Variants in WWOX observed in about 807,000 individuals in gnomAD.
WWOX encodes WW domain containing oxidoreductase.
In WWOX, 69 loss-of-function variants were observed where a neutral mutation model predicts 46.2. That is an observed-to-expected ratio of 1.49 (90% CI 1.23 to 1.82). The LOEUF is 1.82. Among genes scored for constraint, WWOX ranks in the 40% most tolerant of loss-of-function variants. The pLI is 0.00. For missense variants in WWOX, 919 were observed against 542.6 expected (o/e 1.69, Z -6.89); for synonymous variants, 359 against 202.6 (o/e 1.77, Z -6.56).
At chr16:78,915,039 C>G (rs766294362) in intron 8 of WWOX, among the ~76,000 whole-genome samples, 3 of 152,052 alleles carry the variant, frequency 2.0e-5, no homozygotes, top group Non-Finnish European at 1.5e-5. Context: ...GATCACTTAG[C>G]CTGATCCACA....
intron 8 of WWOX, among the ~76,000 whole-genome samples, chr16:78,490,590 T>G (rs1489080907): frequency 6.6e-6 from 1 of 152,218 alleles, no homozygotes; most frequent in African/African-American, 2.4e-5. Context: ...CAGGGCATTT[T>G]GATGTGGCCC....
chr16:78,760,912 G>A (rs2049776673), intron 8 of WWOX, among the ~76,000 whole-genome samples: 1 of 152,146 alleles, frequency 6.6e-6, no homozygotes, highest in South Asian at 2.1e-4. Flanking sequence ...ATCTCACGTG[G>A]TGGCAGAGAA....
chr16:79,172,982 C>G (rs2050730687), intron 8 of WWOX, among the ~76,000 whole-genome samples: 2 of 152,200 alleles, frequency 1.3e-5, no homozygotes, highest in Admixed American at 1.3e-4. Flanking sequence ...GATGGTGCCA[C>G]TGCACTCCAG....
At chr16:78,785,253 C>T (rs1349045907) in intron 8 of WWOX, among the ~76,000 whole-genome samples, 2 of 152,184 alleles carry the variant, frequency 1.3e-5, no homozygotes, top group Admixed American at 6.5e-5. Context: ...AATTCTCTTC[C>T]CACCTTCGAT....
intron 5 of WWOX, among the ~76,000 whole-genome samples, chr16:78,334,422 TTACTC>T (rs2080831410): frequency 6.6e-6 from 1 of 152,134 alleles, no homozygotes; most frequent in Admixed American, 6.6e-5. Context: ...AGTTCAGACT[TTACTC>T]TGAGCTATGA....
At chr16:78,853,239 C>G (rs1428670510) in intron 8 of WWOX, among the ~76,000 whole-genome samples, 2 of 151,536 alleles carry the variant, frequency 1.3e-5, no homozygotes, top group African/African-American at 4.9e-5. Context: ...TTTGTTTTTT[C>G]TGAGACAGTC....
intron 8 of WWOX, among the ~76,000 whole-genome samples, chr16:79,011,391 A>G (rs548958218): frequency 1.3e-5 from 2 of 151,988 alleles, no homozygotes; most frequent in South Asian, 4.2e-4. Context: ...TTGGTGTTCG[A>G]TCTGGAATCT....
intron 8 of WWOX, among the ~76,000 whole-genome samples, chr16:78,670,613 C>A (rs895800361): frequency 1.3e-5 from 2 of 151,982 alleles, no homozygotes; most frequent in Non-Finnish European, 2.9e-5. Flanking sequence ...CCCCCAAATT[C>A]GTGTCTATCT....
intron 8 of WWOX, among the ~76,000 whole-genome samples, chr16:78,568,135 T>C (rs1363843873): frequency 6.6e-6 from 1 of 152,186 alleles, no homozygotes; most frequent in Non-Finnish European, 1.5e-5. Context: ...CATTAATGCA[T>C]GTGACCAGAT....
rs190153633 is a variant in WWOX at position 78,513,271 on chromosome 16, G to C, written c.1056+80519G>C. Among the ~76,000 whole-genome samples the C allele has an allele frequency of 6.4e-3, 978 of 152,284 alleles. 3 individuals are homozygous for C. Among genetic ancestry groups the C allele is most frequent in the African/African-American group, 0.015 (628 of 41,558 alleles). On this transcript the variant is annotated intron_variant, in intron 8 of 8. Transcript: ENST00000566780. ...AATTATCTCTTCTATGTAAGTAGGA[G>C]GCTCTCTTTTCAGATGTGGAATTTG...
chr16:78,584,338 C>G (rs1382083156), intron 8 of WWOX, among the ~76,000 whole-genome samples: 1 of 152,190 alleles, frequency 6.6e-6, no homozygotes, highest in East Asian at 1.9e-4. Context: ...AAGGTGTTTG[C>G]ATTTTGGAGA....
At chr16:78,524,106 A>G (rs986025797) in intron 8 of WWOX, among the ~76,000 whole-genome samples, 1 of 152,338 alleles carries the variant, frequency 6.6e-6, no homozygotes, top group East Asian at 1.9e-4. Context: ...AGTGTGTTTT[A>G]GTCGGCAAAC....
At position 79,124,069 on chromosome 16, in the gene WWOX, G is replaced by A. The variant is rs145548841; in HGVS notation, c.1057-87539G>A. Among the ~76,000 whole-genome samples the A allele has an allele frequency of 2.8e-3, 427 of 151,724 alleles. 2 individuals are homozygous for A. Among genetic ancestry groups the A allele is most frequent in the African/African-American group, 9.5e-3 (391 of 41,336 alleles). ...TTCTTTGCCTCTTAAGTGTGGACTCGGAGCACTCGTGCTCTGAAAGCCCTC... is the reference window on the plus strand; with the variant it reads ...TTCTTTGCCTCTTAAGTGTGGACTCAGAGCACTCGTGCTCTGAAAGCCCTC... On this transcript the variant is annotated intron_variant, in intron 8 of 8. Transcript: ENST00000566780.
At chr16:78,918,428 T>C (rs1302394365) in intron 8 of WWOX, among the ~76,000 whole-genome samples, 1 of 152,120 alleles carries the variant, frequency 6.6e-6, no homozygotes, top group African/African-American at 2.4e-5. Context: ...TCCTATCCCT[T>C]TATTTTCTGG....
intron 4 of WWOX, among the ~76,000 whole-genome samples, chr16:78,158,232 G>A (rs144958932): frequency 5.9e-5 from 9 of 152,244 alleles, no homozygotes; most frequent in East Asian, 1.9e-4. Flanking sequence ...GGAAGATAAC[G>A]GTATGCTGAT....
chr16:78,425,589 G>A (rs1390688778), intron 7 of WWOX, among the ~76,000 whole-genome samples: 2 of 152,118 alleles, frequency 1.3e-5, no homozygotes, highest in Non-Finnish European at 2.9e-5. Flanking sequence ...AACATCAGAT[G>A]GCACTTTTTT....
chr16:78,695,524 G>C (rs2048080509), intron 8 of WWOX, among the ~76,000 whole-genome samples: 1 of 152,194 alleles, frequency 6.6e-6, no homozygotes, highest in East Asian at 1.9e-4. Flanking sequence ...TCAGAGAGTA[G>C]CATGCAGATC....
intron 8 of WWOX, among the ~76,000 whole-genome samples, chr16:79,078,828 G>T (rs115648812): frequency 1.3e-5 from 2 of 152,068 alleles, no homozygotes; most frequent in Non-Finnish European, 2.9e-5. Flanking sequence ...TATCCCTAAC[G>T]GTTAAAGTGA....
intron 8 of WWOX, among the ~76,000 whole-genome samples, chr16:79,157,433 AAAAG>A (rs1031937055): frequency 3.3e-4 from 47 of 143,230 alleles, no homozygotes; most frequent in African/African-American, 9.2e-4. Context: ...AAAAAAAAAA[AAAAG>A]AAAGAAACCA....
Sources: allele counts gnomAD v4.1 joint callset (sites outside exome capture counted in the v4.1 genomes callset), GRCh38; gene constraint gnomAD v4.1.1; transcripts MANE v1.5; gene names NCBI Gene and HGNC (gene_info 2026-07-23, HGNC 2026-07-21).